MED18: variants seen among roughly 807,000 people sequenced by gnomAD.
MED18 encodes the protein mediator complex subunit 18, also known as mediator of RNA polymerase II transcription subunit 18.
MED18 carries 10 observed loss-of-function variants against 13.9 expected under a neutral mutation model. That is an observed-to-expected ratio of 0.72 (90% CI 0.44 to 1.22). The LOEUF is 1.22. Among genes scored for constraint, MED18 ranks in the 50% most tolerant of loss-of-function variants. The pLI is 0.00. For synonymous variants in MED18, 88 were observed against 93.2 expected, an observed-to-expected ratio of 0.94 and a Z score of 0.32; for missense variants, 216 against 279.0, an observed-to-expected ratio of 0.77 and a Z score of 1.61.
At chr1:28,334,395 G>C in intron 2 of MED18, 22 bp from the exon 3 acceptor site, 5 of 1,602,920 alleles carry the variant, frequency 3.1e-6, no homozygotes, top group Non-Finnish European at 3.4e-6. Flanking sequence ...ACAGGACTCA[G>C]TGGTGCTTTT....
At chr1:28,330,472 C>G in intron 1 of MED18, 125 bp from the exon 2 acceptor site, 1 of 447,030 alleles carries the variant, frequency 2.2e-6, no homozygotes, top group South Asian at 2.5e-5. Flanking sequence ...GTTCCTGGAA[C>G]TGGCCATATA....
At chr1:28,333,636 C>T (rs1054437605) in intron 2 of MED18, among the ~76,000 whole-genome samples, 11 of 152,038 alleles carry the variant, frequency 7.2e-5, no homozygotes, top group African/African-American at 1.4e-4. Flanking sequence ...CTGAGGCAGG[C>T]GGATCACGAG....
At chr1:28,334,264 G>C (rs1197615371) in intron 2 of MED18, 153 bp from the exon 3 acceptor site, 3 of 838,402 alleles carry the variant, frequency 3.6e-6, no homozygotes, top group Admixed American at 5.2e-5. Flanking sequence ...TACCTTGGTA[G>C]TGTAATTTCT....
chr1:28,334,622 G>A lies in MED18; in HGVS notation c.279G>A (p.Met93Ile), dbSNP rs1421077399. ...WHLRYLGQPE[M>I]GDKNRHALVR... ...TGCGCTACCTGGGACAGCCAGAAAT[G>A]GGAGACAAGAACCGCCATGCCCTGG... Residue 93 changes from methionine to isoleucine, a missense_variant, in exon 3 of 3, where the codon ATG (methionine) becomes ATA (isoleucine). By Grantham distance (10) the Met-to-Ile change is conservative. Transcript: ENST00000373842. The A allele has an allele frequency of 6.2e-7, 1 of 1,614,150 alleles. No homozygotes were observed. Among genetic ancestry groups the A allele is most frequent in the Middle Eastern group, 1.6e-4 (1 of 6,062 alleles).
At chr1:28,329,618 A>G (rs1287629532) in intron 1 of MED18, among the ~76,000 whole-genome samples, 1 of 152,082 alleles carries the variant, frequency 6.6e-6, no homozygotes, top group Non-Finnish European at 1.5e-5. Flanking sequence ...TTTTTAGGCT[A>G]GCCGCAGTGT....
At chr1:28,329,477 G>A (rs938518630) in intron 1 of MED18, among the ~76,000 whole-genome samples, 1 of 151,854 alleles carries the variant, frequency 6.6e-6, no homozygotes. Flanking sequence ...AGTAGAGTCG[G>A]GGTTTCTTCA....
At chr1:28,333,703 TACA>T (rs2149055111) in intron 2 of MED18, among the ~76,000 whole-genome samples, 1 of 152,166 alleles carries the variant, frequency 6.6e-6, no homozygotes, top group African/African-American at 2.4e-5. Context: ...CTACTAAAAA[TACA>T]ACAATTAGCT....
Position 28,334,408 on chromosome 1 carries a change from C to G in MED18, c.74-9C>G, listed in dbSNP as rs751535396. The G allele has an allele frequency of 6.2e-7, 1 of 1,603,882 alleles. No individual in the cohort carries two copies. Among genetic ancestry groups the G allele is most frequent in the Admixed American group, 1.7e-5 (1 of 58,476 alleles). On this transcript the variant is annotated splice_polypyrimidine_tract_variant and intron_variant, in intron 2 of 2. Coordinates refer to ENST00000373842, the MANE Select transcript of MED18 (RefSeq NM_017638.3). ...AGACAGGACTCAGTGGTGCTTTTTC[C>G]GTTTTCAGGAAGTGTTTTAGATCAC...
chr1:28,330,611 T>C lies in MED18; in HGVS notation c.-52T>C. The C allele has an allele frequency of 6.8e-7, 1 of 1,471,508 alleles. No individual in the cohort carries two copies. The allele number at this position is 1,471,508 out of a possible 1,614,324, so 91.2% of individuals were successfully genotyped here. ...CTCTTTTCCAGGTATATCCCGTGCC[T>C]TACCTGACTGGGGGCTCTGAGTCCA... On this transcript the variant is annotated 5_prime_UTR_variant, in exon 2 of 3. Transcript: ENST00000373842.
rs1035150877 is a variant in MED18 at position 28,335,500 on chromosome 1, G to A, written c.*530G>A. On this transcript the variant is annotated 3_prime_UTR_variant, in exon 3 of 3. Coordinates refer to ENST00000373842, the MANE Select transcript of MED18 (RefSeq NM_017638.3). ...CTATATTAAAGGCTCAGGATGTCAC[G>A]GAGAATCTATCTAATCCCACTGTAT... The A allele has an allele frequency of 1.3e-5, 2 of 158,592 alleles. No individual in the cohort carries two copies. Among genetic ancestry groups the A allele is most frequent in the East Asian group, 1.8e-4 (1 of 5,474 alleles). 9.8% of individuals were successfully genotyped at this position (158,592 alleles called of 1,614,324 possible). A position where few individuals can be genotyped will look rare whatever the true frequency, so the allele number is the denominator to read the frequency against.
At chr1:28,330,562 C>T (rs761411471) in intron 1 of MED18, 35 bp from the exon 2 acceptor site, 33 of 819,162 alleles carry the variant, frequency 4.0e-5, no homozygotes, top group African/African-American at 7.1e-5. Context: ...CTCTCTCCAC[C>T]ACTTTGATGT....
At chr1:28,331,846 C>T (rs1378995899) in intron 2 of MED18, among the ~76,000 whole-genome samples, 2 of 151,950 alleles carry the variant, frequency 1.3e-5, no homozygotes, top group African/African-American at 2.4e-5. Flanking sequence ...CAGATTCAAG[C>T]GATTCTTCTG....
At position 28,329,931 on chromosome 1, in the gene MED18, C is replaced by G. The variant is rs532565407; in HGVS notation, c.-66-666C>G. ...TTTCAGTTCTTCTGAATTTTGTTGCCTCTTTATTATCTCGTTTGAGCCACA... is the reference window on the plus strand; with the variant it reads ...TTTCAGTTCTTCTGAATTTTGTTGCGTCTTTATTATCTCGTTTGAGCCACA... On this transcript the variant is annotated intron_variant, in intron 1 of 2. Transcript: ENST00000373842. Among the ~76,000 whole-genome samples, 9 of 152,198 alleles carry G rather than the reference C, an allele frequency of 5.9e-5. No homozygotes were observed. The South Asian group carries it at 1.7e-3, about 28-fold the overall frequency.
chr1:28,332,573 A>T (rs544202338), intron 2 of MED18, among the ~76,000 whole-genome samples: 5 of 152,216 alleles, frequency 3.3e-5, no homozygotes, highest in Non-Finnish European at 7.3e-5. Flanking sequence ...GATGGGAAGA[A>T]CATCCTAAGC....
At chr1:28,333,974 G>A (rs915466592) in intron 2 of MED18, among the ~76,000 whole-genome samples, 2 of 152,180 alleles carry the variant, frequency 1.3e-5, no homozygotes, top group African/African-American at 4.8e-5. Flanking sequence ...GGCTGGGCAT[G>A]GTGGCTTGTG....
rs562668023 is a variant in MED18 at position 28,330,561 on chromosome 1, C to T, written c.-66-36C>T. The T allele has an allele frequency of 2.2e-5, 18 of 814,564 alleles. No homozygotes were observed. The Admixed American group carries it at 2.3e-4, about 10-fold the overall frequency. The allele number at this position is 814,564 out of a possible 1,614,324, so 50.5% of individuals were successfully genotyped here. ...CCACAACAGATCTGGTCTCTCTCCA[C>T]CACTTTGATGTATAAACAAGTGAAC... is the stretch of plus-strand genomic sequence containing the variant. On this transcript the variant is annotated intron_variant, in intron 1 of 2. Coordinates refer to ENST00000373842, the MANE Select transcript of MED18 (RefSeq NM_017638.3).
chr1:28,329,830 T>G (rs1649649118), intron 1 of MED18, among the ~76,000 whole-genome samples: 1 of 152,206 alleles, frequency 6.6e-6, no homozygotes. Flanking sequence ...TGCTACCAAC[T>G]TGCTGTGTGT....
At chr1:28,329,840 T>C (rs1039551327) in intron 1 of MED18, among the ~76,000 whole-genome samples, 1 of 152,236 alleles carries the variant, frequency 6.6e-6, no homozygotes, top group Admixed American at 6.5e-5. Context: ...TTGCTGTGTG[T>C]ATCCTTCTGT....
chr1:28,335,151 C>T lies in MED18; in HGVS notation c.*181C>T, dbSNP rs1440876584. 1.7e-6 allele frequency: 1 copy of T among 580,928 alleles called. No homozygotes were observed. Among genetic ancestry groups the T allele is most frequent in the East Asian group, 3.0e-5 (1 of 33,532 alleles). 36.0% of individuals were successfully genotyped at this position (580,928 alleles called of 1,614,324 possible). A position where few individuals can be genotyped will look rare whatever the true frequency, so the allele number is the denominator to read the frequency against. ...CTGCCTCCTGGGTTCAAGCAATTCT[C>T]CCACCTCAGCCTCCTGAGTAGCTGG... is the stretch of plus-strand genomic sequence containing the variant. On this transcript the variant is annotated 3_prime_UTR_variant, in exon 3 of 3. Transcript: ENST00000373842.
Sources: allele counts gnomAD v4.1 joint callset (sites outside exome capture counted in the v4.1 genomes callset), GRCh38; gene constraint gnomAD v4.1.1; transcripts MANE v1.5; gene names NCBI Gene and HGNC (gene_info 2026-07-23, HGNC 2026-07-21).